The following IRGQ variants were observed in gnomAD, a reference collection of about 807,000 sequenced individuals.
The protein encoded by IRGQ is immunity related GTPase Q.
IRGQ carries 5 observed loss-of-function variants against 10.5 expected under a neutral mutation model. That is an observed-to-expected ratio of 0.48 (90% CI 0.25 to 1.00). The LOEUF is 1.00. Ranked by LOEUF, IRGQ falls within the 50% of genes least tolerant of loss-of-function variation. IRGQ has a pLI of 0.16. For missense variants in IRGQ, 792 were observed against 877.7 expected (o/e 0.90, Z 1.23); for synonymous variants, 418 against 426.0 (o/e 0.98, Z 0.23).
chr19:43,593,754 T>C lies in IRGQ; in HGVS notation c.531-387A>G, dbSNP rs1973092997. ...CCTAGAACAAAGAATCGCAACTGTATTGTGGCCTAAACACAAGTCCAGCAC... is the reference window on the plus strand; with the variant it reads ...CCTAGAACAAAGAATCGCAACTGTACTGTGGCCTAAACACAAGTCCAGCAC... On this transcript the variant is annotated intron_variant, in intron 2 of 2. Transcript: ENST00000422989. The surrounding 1 kb of genome is among the most constrained non-coding windows in gnomAD (Gnocchi z 6.4). 6.6e-6 allele frequency among the ~76,000 whole-genome samples: 1 copy of C among 152,102 alleles called. No homozygotes were observed. The highest frequency in any genetic ancestry group is 2.4e-5 in the African/African-American group (1 of 41,408).
chr19:43,594,910 C>G lies in IRGQ; in HGVS notation c.429G>C (p.Ala143=). Residue 143 remains alanine (A), a synonymous_variant, in exon 2 of 3, where the codon GCG becomes GCC. Transcript: ENST00000422989. ...AGTTCGCCGGTAGCACAAACAGATCCGCAGCTCCTAACCCCGCGCTGTTCA... is the reference window on the plus strand; with the variant it reads ...AGTTCGCCGGTAGCACAAACAGATCGGCAGCTCCTAACCCCGCGCTGTTCA... ...ALLNSAGLGA[A]DLFVLPANCG... 2.5e-6 allele frequency: 4 copies of G among 1,614,006 alleles called. No homozygotes were observed. Among genetic ancestry groups the G allele is most frequent in the Non-Finnish European group, 3.4e-6 (4 of 1,179,930 alleles).
Position 43,587,938 on chromosome 19 carries a change from G to T in IRGQ, c.*4088C>A, listed in dbSNP as rs1043577405. ...AAAAAAACTAAAAAACCGATGACAT[G>T]TTGAAATGCTATTTTGGATACATTG... is the stretch of plus-strand genomic sequence containing the variant. On this transcript the variant is annotated 3_prime_UTR_variant, in exon 3 of 3. Coordinates refer to ENST00000422989, the MANE Select transcript of IRGQ (RefSeq NM_001007561.3). 6.6e-6 allele frequency: 1 copy of T among 151,792 alleles called. No homozygotes were observed. The highest frequency in any genetic ancestry group is 2.4e-5 in the African/African-American group (1 of 41,336). 9.4% of individuals were successfully genotyped at this position (151,792 alleles called of 1,614,324 possible). A position where few individuals can be genotyped will look rare whatever the true frequency, so the allele number is the denominator to read the frequency against.
At position 43,592,700 on chromosome 19, in the gene IRGQ, T is replaced by C. The variant is rs376275493; in HGVS notation, c.1198A>G (p.Met400Val). Residue 400 changes from methionine (M) to valine (V), a missense_variant, in exon 3 of 3, where the codon ATG (methionine) becomes GTG (valine). By Grantham distance (21) the Met-to-Val change is conservative. Transcript: ENST00000422989. ...GAGTCGCCACCACCTGATTTCTTCA[T>C]GCCGACAACCTGCTGCAAACCCTCG... Reference protein sequence around the residue: ...GSEGLQQVVGMKKSGGGDSER... With the variant: ...GSEGLQQVVGVKKSGGGDSER... The C allele has an allele frequency of 1.2e-6, 2 of 1,609,092 alleles. No homozygotes were observed. Among genetic ancestry groups the C allele is most frequent in the South Asian group, 1.1e-5 (1 of 91,088 alleles).
chr19:43,595,650 G>A, intron 1 of IRGQ: 1 of 242,146 alleles, frequency 4.1e-6, no homozygotes, highest in Non-Finnish European at 7.9e-6. Context: ...GATCGCTTGA[G>A]GCCAGGAATT....
rs893984355 is a variant in IRGQ at position 43,585,825 on chromosome 19, G to A, written c.*6201C>T. 10 of 152,120 alleles carry A rather than the reference G, an allele frequency of 6.6e-5. No individual in the cohort carries two copies. The highest frequency in any genetic ancestry group is 1.3e-4 in the Non-Finnish European group (9 of 68,008). 9.4% of individuals were successfully genotyped at this position (152,120 alleles called of 1,614,324 possible). A position where few individuals can be genotyped will look rare whatever the true frequency, so the allele number is the denominator to read the frequency against. On this transcript the variant is annotated 3_prime_UTR_variant, in exon 3 of 3. Coordinates refer to ENST00000422989, the MANE Select transcript of IRGQ (RefSeq NM_001007561.3). Reference sequence around the variant, plus strand: ...TGATCACAGCCCAGTTTTTCCCAGCGGATTCCCCACCATCCCTCCTATCCC... The same window carrying A: ...TGATCACAGCCCAGTTTTTCCCAGCAGATTCCCCACCATCCCTCCTATCCC...
chr19:43,594,740 G>A, intron 2 of IRGQ, 69 bp downstream of exon 2: 1 of 1,363,294 alleles, frequency 7.3e-7, no homozygotes, highest in Non-Finnish European at 1.0e-6. Context: ...GGATCTCATG[G>A]ACCTCCATGG....
Position 43,591,853 on chromosome 19 carries a change from A to AG in IRGQ, c.*172_*173insC. On this transcript the variant is annotated 3_prime_UTR_variant, in exon 3 of 3. Transcript: ENST00000422989. ...ACAAGAGACTTCGTCTCACAAAAAA[A>AG]AGAAAAAAAAAAAAAAAAATCAGGA... 3 of 474,620 alleles carry AG rather than the reference A, an allele frequency of 6.3e-6. No homozygotes were observed. The highest frequency in any genetic ancestry group is 8.2e-5 in the South Asian group (2 of 24,500). The allele number at this position is 474,620 out of a possible 1,614,324, so 29.4% of individuals were successfully genotyped here.
chr19:43,595,176 C>T lies in IRGQ; in HGVS notation c.163G>A (p.Gly55Ser). 3 of 1,610,450 alleles carry T rather than the reference C, an allele frequency of 1.9e-6. No homozygotes were observed. Among genetic ancestry groups the T allele is most frequent in the Non-Finnish European group, 2.5e-6 (3 of 1,178,900 alleles). ...GVPSLRAAGPGLFLGELSCPP... is the reference protein window; with the variant it reads ...GVPSLRAAGPSLFLGELSCPP... Reference sequence around the variant, plus strand: ...CAGCTCAGCTCGCCCAGAAAAAGGCCTGGGCCCGCAGCTCTTAGGCTGGGA... The same window carrying T: ...CAGCTCAGCTCGCCCAGAAAAAGGCTTGGGCCCGCAGCTCTTAGGCTGGGA... The change falls in exon 2 of 3, where the codon GGC becomes AGC. Residue 55 changes from glycine (G) to serine (S), a missense_variant. Transcript: ENST00000422989.
chr19:43,591,189 C>G lies in IRGQ; in HGVS notation c.*837G>C, dbSNP rs925125697. The G allele has an allele frequency of 1.3e-5, 2 of 152,324 alleles. No homozygotes were observed. The highest frequency in any genetic ancestry group is 4.8e-5 in the African/African-American group (2 of 41,460). The allele number at this position is 152,324 out of a possible 1,614,324, so 9.4% of individuals were successfully genotyped here. On this transcript the variant is annotated 3_prime_UTR_variant, in exon 3 of 3. Coordinates refer to ENST00000422989, the MANE Select transcript of IRGQ (RefSeq NM_001007561.3). Reference sequence around the variant, plus strand: ...ATCTTAGAACCCCGGAAGTCTCAGACCCCAGGGGCCTCCGCCACCCCATCA... The same window carrying G: ...ATCTTAGAACCCCGGAAGTCTCAGAGCCCAGGGGCCTCCGCCACCCCATCA...
In IRGQ at chr19:43,592,504, G is replaced by A; in HGVS notation, c.1394C>T (p.Ala465Val). Reference protein sequence around the residue: ...AGALLLALPPASPSAARTKAA... With the variant: ...AGALLLALPPVSPSAARTKAA... ...CTTGGTTCGGGCAGCGCTGGGAGAT[G>A]CTGGTGGCAACGCCAGCAGCAGTGC... Residue 465 changes from alanine to valine, a missense_variant, in exon 3 of 3, where the codon GCA becomes GTA. By Grantham distance (64) the Ala-to-Val change is moderately conservative (BLOSUM62 0). Transcript: ENST00000422989. 6.3e-7 allele frequency: 1 copy of A among 1,595,108 alleles called. No homozygotes were observed. Among genetic ancestry groups the A allele is most frequent in the Non-Finnish European group, 8.5e-7 (1 of 1,178,248 alleles).
rs1479203144 is a variant in IRGQ, at chr19:43,589,732, T to C, written c.*2294A>G. The C allele has an allele frequency of 6.6e-6, 1 of 152,076 alleles. No homozygotes were observed. Among genetic ancestry groups the C allele is most frequent in the Non-Finnish European group, 1.5e-5 (1 of 68,024 alleles). 9.4% of individuals were successfully genotyped at this position (152,076 alleles called of 1,614,324 possible). ...ATAAGATCATTTTTGACAGTAATAATTGCTACAAGGAAACTCAACTGGCCG... is the reference window on the plus strand; with the variant it reads ...ATAAGATCATTTTTGACAGTAATAACTGCTACAAGGAAACTCAACTGGCCG... On this transcript the variant is annotated 3_prime_UTR_variant, in exon 3 of 3. Transcript: ENST00000422989.
rs1972979082 is a variant in IRGQ, at chr19:43,585,129, T to C, written c.*6897A>G. ...ACCTTTGCCTCCCTAAGTGCTGGGA[T>C]TATGGGTTTATACCCATATGCCACC... On this transcript the variant is annotated 3_prime_UTR_variant, in exon 3 of 3. Coordinates refer to ENST00000422989, the MANE Select transcript of IRGQ (RefSeq NM_001007561.3). The C allele has an allele frequency of 6.6e-6, 1 of 152,312 alleles. No homozygotes were observed. Among genetic ancestry groups the C allele is most frequent in the Non-Finnish European group, 1.5e-5 (1 of 68,138 alleles). The allele number at this position is 152,312 out of a possible 1,614,324, so 9.4% of individuals were successfully genotyped here.
rs1055861487 is a variant in IRGQ, at chr19:43,591,365, C to T, written c.*661G>A. ...CCCTCCCCTATACTGGAGTTCAGGT[C>T]CCAGTCATGGACACCTCCCCACCAA... On this transcript the variant is annotated 3_prime_UTR_variant, in exon 3 of 3. Coordinates refer to ENST00000422989, the MANE Select transcript of IRGQ (RefSeq NM_001007561.3). The T allele has an allele frequency of 2.0e-5, 3 of 152,224 alleles. No individual in the cohort carries two copies. The highest frequency in any genetic ancestry group is 7.2e-5 in the African/African-American group (3 of 41,414). The allele number at this position is 152,224 out of a possible 1,614,324, so 9.4% of individuals were successfully genotyped here.
intron 2 of IRGQ, among the ~76,000 whole-genome samples, chr19:43,594,367 C>A (rs1973099736): frequency 6.6e-6 from 1 of 152,168 alleles, no homozygotes. Context: ...TGGCTTGAGG[C>A]CAAGAGTTCA....
rs1568526866 is a variant in IRGQ at position 43,591,154 on chromosome 19, G to A, written c.*872C>T. The A allele has an allele frequency of 6.6e-6, 1 of 152,218 alleles. No individual in the cohort carries two copies. The highest frequency in any genetic ancestry group is 6.5e-5 in the Admixed American group (1 of 15,270). 9.4% of individuals were successfully genotyped at this position (152,218 alleles called of 1,614,324 possible). A position where few individuals can be genotyped will look rare whatever the true frequency, so the allele number is the denominator to read the frequency against. ...CCTTACCCAATATTTAGGAACCAAG[G>A]TCCACAGCCATCTTAGAACCCCGGA... is the stretch of plus-strand genomic sequence containing the variant. On this transcript the variant is annotated 3_prime_UTR_variant, in exon 3 of 3. Transcript: ENST00000422989.
At position 43,587,449 on chromosome 19, in the gene IRGQ, G is replaced by C. The variant is rs560335001; in HGVS notation, c.*4577C>G. 1.1e-4 allele frequency: 17 copies of C among 152,216 alleles called. No homozygotes were observed. The highest frequency in any genetic ancestry group is 3.4e-4 in the African/African-American group (14 of 41,528). 9.4% of individuals were successfully genotyped at this position (152,216 alleles called of 1,614,324 possible). ...AACTATTATATAATTGGAACAACTT[G>C]GATATGTGAATCTACTTCTCCAACT... On this transcript the variant is annotated 3_prime_UTR_variant, in exon 3 of 3. Transcript: ENST00000422989.
Position 43,593,418 on chromosome 19 carries a change from C to T in IRGQ, c.531-51G>A, listed in dbSNP as rs1382940720. The T allele has an allele frequency of 2.7e-6, 4 of 1,469,656 alleles. No homozygotes were observed. The African/African-American group carries it at 4.2e-5, about 16-fold the overall frequency. The allele number at this position is 1,469,656 out of a possible 1,614,324, so 91.0% of individuals were successfully genotyped here. On this transcript the variant is annotated intron_variant, in intron 2 of 2. Transcript: ENST00000422989. This position sits in a 1 kb window ranked among gnomAD's most constrained non-coding sequence, Gnocchi z 6.4. ...CAAAGGTAGAAGAGGGGCTGGGTGA[C>T]ATGGACTGGGCTATGATGACAAGGG...
chr19:43,586,519 T>C lies in IRGQ; in HGVS notation c.*5507A>G, dbSNP rs1402072870. ...TCTCAGATATGATCTCTGGCATGACTCCTGCTGGCATGAGGGCAGAGGAAA... is the reference window on the plus strand; with the variant it reads ...TCTCAGATATGATCTCTGGCATGACCCCTGCTGGCATGAGGGCAGAGGAAA... On this transcript the variant is annotated 3_prime_UTR_variant, in exon 3 of 3. Transcript: ENST00000422989. 3.3e-5 allele frequency: 5 copies of C among 152,172 alleles called. No individual in the cohort carries two copies. 9.4% of individuals were successfully genotyped at this position (152,172 alleles called of 1,614,324 possible).
rs1361614293 is a variant in IRGQ at position 43,592,704 on chromosome 19, G to A, written c.1194C>T (p.Val398=). The part of the protein sequence containing the change: ...KAGSEGLQQV[V]GMKKSGGGDS... ...CGCCACCACCTGATTTCTTCATGCC[G>A]ACAACCTGCTGCAAACCCTCGCTGC... Residue 398 remains valine (V), a synonymous_variant, in exon 3 of 3, where the codon GTC becomes GTT. Coordinates refer to ENST00000422989, the MANE Select transcript of IRGQ (RefSeq NM_001007561.3). The A allele has an allele frequency of 7.5e-6, 12 of 1,609,336 alleles. No individual in the cohort carries two copies. The highest frequency in any genetic ancestry group is 4.0e-5 in the African/African-American group (3 of 75,034).
Sources: allele counts gnomAD v4.1 joint callset (sites outside exome capture counted in the v4.1 genomes callset), GRCh38; gene constraint gnomAD v4.1.1; non-coding constraint Gnocchi (gnomAD v3.1); transcripts MANE v1.5; gene names NCBI Gene and HGNC (gene_info 2026-07-23, HGNC 2026-07-21).